Variants in FDFT1 observed in about 807,000 individuals in gnomAD.
FDFT1 encodes squalene synthase.
In FDFT1, 68 loss-of-function variants were observed where a neutral mutation model predicts 46.8. The observed-to-expected ratio is 1.45, with a 90% CI of 1.19 to 1.78. The LOEUF is 1.78. FDFT1 is among the 40% of genes most tolerant of loss of function. FDFT1 has a pLI of 0.00. For synonymous variants in FDFT1, 351 were observed against 185.1 expected (o/e 1.90, Z -7.28); for missense variants, 928 against 524.4 (o/e 1.77, Z -7.52).
At chr8:11,796,562 T>C (rs1032989566) in intron 1 of FDFT1, among the ~76,000 whole-genome samples, 1 of 151,344 alleles carries the variant, frequency 6.6e-6, no homozygotes, top group South Asian at 2.1e-4. Context: ...GGCAGGGGAG[T>C]GGGAAGCTTT....
chr8:11,804,867 C>T (rs12542836), intron 1 of FDFT1, among the ~76,000 whole-genome samples: 3,979 of 150,878 alleles, frequency 0.026, 168 homozygotes, highest in African/African-American at 0.091. Context: ...CCTTGGTCTC[C>T]CAAAGTGCTA....
rs1335486905 is a variant in FDFT1, at chr8:11,802,896, G to A, written c.64G>A (p.Gly22Arg). The change falls in exon 1 of 8, where the codon GGG becomes AGG. Residue 22 changes from glycine (G) to arginine (R), a missense_variant. Transcript: ENST00000220584. ...CTACAACCTGGTGCGCTTCCGGATC[G>A]GGGGCAAGCGGAAGGTGATGCCCAA... ...EFYNLVRFRI[G>R]GKRKVMPKMD... 18 of 1,611,432 alleles carry A rather than the reference G, an allele frequency of 1.1e-5. No homozygotes were observed. The highest frequency in any genetic ancestry group is 3.3e-5 in the South Asian group (3 of 90,510).
intron 2 of FDFT1, 56 bp downstream of exon 2, chr8:11,808,947 A>T (rs965738129): frequency 3.2e-6 from 5 of 1,579,324 alleles, no homozygotes; most frequent in Non-Finnish European, 4.3e-6. Context: ...GGGACCTTTG[A>T]GTGTGTTGGA....
intron 1 of FDFT1, among the ~76,000 whole-genome samples, chr8:11,806,849 C>T (rs922952953): frequency 5.9e-5 from 9 of 152,156 alleles, no homozygotes; most frequent in Non-Finnish European, 1.3e-4. Flanking sequence ...TTATTCATGA[C>T]ACCACTTCTG....
intron 3 of FDFT1, among the ~76,000 whole-genome samples, chr8:11,816,105 C>T (rs1808411896): frequency 6.6e-6 from 1 of 152,218 alleles, no homozygotes; most frequent in South Asian, 2.1e-4. Flanking sequence ...GGTTTCCCAG[C>T]AGCATTTATT....
intron 1 of FDFT1, among the ~76,000 whole-genome samples, chr8:11,805,194 G>A (rs994051183): frequency 2.0e-5 from 3 of 152,138 alleles, no homozygotes; most frequent in African/African-American, 7.2e-5. Flanking sequence ...GGGATTACAG[G>A]TGTGAGCCAC....
chr8:11,817,936 C>G (rs55664726), intron 3 of FDFT1, among the ~76,000 whole-genome samples: 5,145 of 151,808 alleles, frequency 0.034, 108 homozygotes, highest in African/African-American at 0.056. Context: ...TTTTCTAGTT[C>G]TTTTAATTGT....
intron 5 of FDFT1, among the ~76,000 whole-genome samples, chr8:11,827,546 A>T (rs993376653): frequency 6.6e-6 from 1 of 152,084 alleles, no homozygotes; most frequent in Non-Finnish European, 1.5e-5. Flanking sequence ...GAGGGAAACA[A>T]TATTTGCAAT....
intron 4 of FDFT1, among the ~76,000 whole-genome samples, chr8:11,823,663 G>T (rs962632016): frequency 6.6e-6 from 1 of 152,104 alleles, no homozygotes; most frequent in Admixed American, 6.6e-5. Context: ...GACCTTCTGG[G>T]CTCAAGCAAT....
chr8:11,805,580 C>A (rs1226966982), intron 1 of FDFT1, among the ~76,000 whole-genome samples: 1 of 152,212 alleles, frequency 6.6e-6, no homozygotes, highest in East Asian at 1.9e-4. Flanking sequence ...GTTACTTCAT[C>A]TGTAAAATAG....
chr8:11,827,548 A>AT (rs1345938641), intron 5 of FDFT1, among the ~76,000 whole-genome samples: 1 of 151,972 alleles, frequency 6.6e-6, no homozygotes, highest in Non-Finnish European at 1.5e-5. Context: ...GGGAAACAAT[A>AT]TTTGCAATTC....
Position 11,826,064 on chromosome 8 carries a change from C to T in FDFT1, c.551C>T (p.Ser184Phe). 6.2e-7 allele frequency: 1 copy of T among 1,604,762 alleles called. No homozygotes were observed. Among genetic ancestry groups the T allele is most frequent in the Non-Finnish European group, 8.5e-7 (1 of 1,172,702 alleles). The change falls in exon 5 of 8, where the codon TCC becomes TTC. Residue 184 changes from serine (S) to phenylalanine (F), a missense_variant. Physicochemically the swap from Ser to Phe is radical, Grantham distance 155 (BLOSUM62 -2). Coordinates refer to ENST00000220584, the MANE Select transcript of FDFT1 (RefSeq NM_004462.5). The part of the protein sequence containing the change: ...YVAGLVGIGL[S>F]RLFSASEFED... Reference sequence around the variant, plus strand: ...GCTGGGCTGGTCGGAATTGGCCTTTCCCGTCTTTTCTCAGCCTCAGAGTTT... The same window carrying T: ...GCTGGGCTGGTCGGAATTGGCCTTTTCCGTCTTTTCTCAGCCTCAGAGTTT...
At chr8:11,799,397 G>A (rs145318449), upstream of FDFT1, among the ~76,000 whole-genome samples, 231 of 152,378 alleles carry the variant, frequency 1.5e-3, 4 homozygotes, top group African/African-American at 5.1e-3. Context: ...AAAAAGAAGA[G>A]CCCTGTGGCA....
Position 11,830,273 on chromosome 8 carries a change from G to A in FDFT1, c.732G>A (p.Gly244=), listed in dbSNP as rs750525000. 6.2e-7 allele frequency: 1 copy of A among 1,613,918 alleles called. No individual in the cohort carries two copies. The highest frequency in any genetic ancestry group is 8.5e-7 in the Non-Finnish European group (1 of 1,179,946). Residue 244 remains glycine, a synonymous_variant, in exon 6 of 8, where the codon GGG becomes GGA. Transcript: ENST00000220584. ...GGAGCAGGTATGTTAAGAAGTTAGG[G>A]GATTTTGCTAAGCCGGAGAATATTG... The part of the protein sequence containing the change: ...EVWSRYVKKL[G]DFAKPENIDL...
At chr8:11,833,575 A>G (rs991336774) in intron 7 of FDFT1, among the ~76,000 whole-genome samples, 4 of 152,178 alleles carry the variant, frequency 2.6e-5, no homozygotes, top group South Asian at 2.1e-4. Context: ...TTCCTTAACT[A>G]TTGGGATTAA....
At chr8:11,829,104 T>C (rs946713798) in intron 5 of FDFT1, among the ~76,000 whole-genome samples, 1 of 152,150 alleles carries the variant, frequency 6.6e-6, no homozygotes, top group African/African-American at 2.4e-5. Flanking sequence ...TCCACCATTT[T>C]ACATTCCCGT....
intron 2 of FDFT1, 78 bp downstream of exon 2, chr8:11,808,969 GAT>G: frequency 6.4e-7 from 1 of 1,554,048 alleles, no homozygotes; most frequent in Non-Finnish European, 8.7e-7. Context: ...GCTACCTTTT[GAT>G]ATAGCGCTCA....
rs558479224 is a variant in FDFT1, at chr8:11,818,166, T to C, written c.382-3584T>C. Among the ~76,000 whole-genome samples the C allele has an allele frequency of 7.4e-4, 112 of 152,278 alleles. 4 individuals carry two copies. In the South Asian group the frequency reaches 0.022, roughly 30 times the overall value. ...GTTGTTCAGTTTCCATGTAGATGTG[T>C]GGTTTTGAGTGAGTTTATTAATCCT... On this transcript the variant is annotated intron_variant, in intron 3 of 7. Transcript: ENST00000220584.
chr8:11,833,691 C>T (rs376343394), intron 7 of FDFT1, among the ~76,000 whole-genome samples: 5 of 152,268 alleles, frequency 3.3e-5, no homozygotes, highest in African/African-American at 1.2e-4. Context: ...CACCCATTTG[C>T]TTCTTTGTCT....
Sources: gnomAD v4.1 joint callset for allele counts (sites outside exome capture counted in the v4.1 genomes callset) on GRCh38, gnomAD v4.1.1 for gene constraint, MANE v1.5 for transcripts, NCBI Gene and HGNC (gene_info 2026-07-23, HGNC 2026-07-21) for gene names.